The following MINDY2 variants were observed in gnomAD, a reference collection of about 807,000 sequenced individuals.
MINDY2 encodes the protein MINDY lysine 48 deubiquitinase 2, also known as ubiquitin carboxyl-terminal hydrolase MINDY-2.
Under a neutral mutation model 68.2 loss-of-function variants are expected in MINDY2, and 52 were observed. That is an observed-to-expected ratio of 0.76 (90% CI 0.61 to 0.96). The LOEUF is 0.96. MINDY2 is among the 40% of genes least tolerant of loss of function. The probability of loss-of-function intolerance (pLI) is 0.00; values close to 1 mark genes in which losing one functional copy is unlikely to be tolerated. For missense variants in MINDY2, 881 were observed against 773.4 expected (o/e 1.14, Z -1.65); for synonymous variants, 372 against 303.0 (o/e 1.23, Z -2.36).
At chr15:58,791,272 G>T (rs1284786854) in intron 2 of MINDY2, among the ~76,000 whole-genome samples, 1 of 116,516 alleles carries the variant, frequency 8.6e-6, no homozygotes, top group African/African-American at 2.9e-5. Flanking sequence ...GTTCAGAGGA[G>T]AGGTCTGGAT....
At chr15:58,808,258 G>A (rs2029953924) in intron 3 of MINDY2, among the ~76,000 whole-genome samples, 1 of 152,056 alleles carries the variant, frequency 6.6e-6, no homozygotes, top group Admixed American at 6.6e-5. Flanking sequence ...CTCTTTCTTG[G>A]TTCTGTATAT....
Position 58,841,300 on chromosome 15 carries a change from A to G in MINDY2, c.1369-5997A>G, listed in dbSNP as rs145725651. The stretch of plus-strand genomic sequence containing the variant: ...ACTGAGCCAACTTCATGATTTTCTT[A>G]TAAATAATTTCAATTTTGGGGGCCA... On this transcript the variant is annotated intron_variant, in intron 6 of 8. Transcript: ENST00000559228. Among the ~76,000 whole-genome samples, 363 of 151,778 alleles carry G rather than the reference A, an allele frequency of 2.4e-3. 3 individuals are homozygous for G. Among genetic ancestry groups the G allele is most frequent in the African/African-American group, 8.2e-3 (339 of 41,390 alleles).
intron 4 of MINDY2, among the ~76,000 whole-genome samples, chr15:58,819,175 A>G (rs1397670789): frequency 2.0e-5 from 3 of 152,166 alleles, no homozygotes; most frequent in Admixed American, 1.3e-4. Context: ...GAGGCCTTGC[A>G]TGGTGGCTAA....
At chr15:58,785,487 G>A (rs1901435953) in intron 1 of MINDY2, among the ~76,000 whole-genome samples, 1 of 152,072 alleles carries the variant, frequency 6.6e-6, no homozygotes, top group African/African-American at 2.4e-5. Flanking sequence ...CTGCATTGTA[G>A]TGCAAAAGCA....
intron 2 of MINDY2, chr15:58,796,174 G>A (rs781111164): frequency 8.8e-6 from 4 of 455,442 alleles, no homozygotes; most frequent in South Asian, 6.2e-5. Flanking sequence ...TGGGTAAGGA[G>A]TAGGAAAAGG....
intron 1 of MINDY2, among the ~76,000 whole-genome samples, chr15:58,782,116 T>G (rs1438442406): frequency 6.6e-6 from 1 of 152,148 alleles, no homozygotes; most frequent in East Asian, 1.9e-4. Context: ...AAAAGAATCC[T>G]TAAGTTTTTG....
intron 2 of MINDY2, among the ~76,000 whole-genome samples, chr15:58,789,762 C>T (rs1357046443): frequency 2.0e-5 from 3 of 152,192 alleles, no homozygotes; most frequent in Non-Finnish European, 4.4e-5. Flanking sequence ...ATTCTCCTGC[C>T]TCAGCCTCCC....
intron 6 of MINDY2, among the ~76,000 whole-genome samples, chr15:58,835,546 G>T (rs2031953165): frequency 6.6e-6 from 1 of 152,154 alleles, no homozygotes; most frequent in Non-Finnish European, 1.5e-5. Flanking sequence ...CCAGCTACTT[G>T]GGAGGCTGAG....
intron 7 of MINDY2, among the ~76,000 whole-genome samples, chr15:58,847,727 T>C (rs2032606852): frequency 6.6e-6 from 1 of 152,230 alleles, no homozygotes; most frequent in South Asian, 2.1e-4. Context: ...AGGAAAGCTA[T>C]GTCAAGTATT....
intron 1 of MINDY2, among the ~76,000 whole-genome samples, chr15:58,777,894 A>G (rs1484241130): frequency 6.6e-6 from 1 of 152,146 alleles, no homozygotes; most frequent in Non-Finnish European, 1.5e-5. Flanking sequence ...ATCAAAATGT[A>G]TGACTTAGAA....
intron 2 of MINDY2, among the ~76,000 whole-genome samples, chr15:58,799,461 GGAGGCT>G (rs1259186960): frequency 6.6e-6 from 1 of 152,066 alleles, no homozygotes; most frequent in South Asian, 2.1e-4. Context: ...CAGCTACTTG[GGAGGCT>G]GAGGCTGAGG....
At position 58,857,082 on chromosome 15, in the gene MINDY2, AT is replaced by A. The variant is rs2033084153; in HGVS notation, c.*2473del. ...TAATGTGTTAATTCAGCCTTTTTCT[AT>A]GTAATATTTCCAAGTCAGACTTTCT... On this transcript the variant is annotated 3_prime_UTR_variant, in exon 9 of 9. Transcript: ENST00000559228. The A allele has an allele frequency of 6.6e-6, 1 of 152,200 alleles. No individual in the cohort carries two copies. The highest frequency in any genetic ancestry group is 1.5e-5 in the Non-Finnish European group (1 of 68,034). 9.4% of individuals were successfully genotyped at this position (152,200 alleles called of 1,614,324 possible).
chr15:58,791,452 C>A lies in MINDY2; in HGVS notation c.898+3489C>A, dbSNP rs188422800. Among the ~76,000 whole-genome samples, 496 of 151,168 alleles carry A rather than the reference C, an allele frequency of 3.3e-3. 2 individuals are homozygous for A. The highest frequency in any genetic ancestry group is 0.012 in the African/African-American group (475 of 41,270). ...CAACATGGTGAGACCCCCATCTCCA[C>A]TTAAAAATTCAAAAATTAGCCAGGC... On this transcript the variant is annotated intron_variant, in intron 2 of 8. Transcript: ENST00000559228.
At chr15:58,801,295 A>C (rs1313110135) in intron 2 of MINDY2, among the ~76,000 whole-genome samples, 2 of 151,052 alleles carry the variant, frequency 1.3e-5, no homozygotes, top group African/African-American at 4.9e-5. Context: ...TTACAGTTCA[A>C]TAAGAAAAGA....
intron 2 of MINDY2, among the ~76,000 whole-genome samples, chr15:58,788,515 A>G (rs1901658118): frequency 6.6e-6 from 1 of 152,194 alleles, no homozygotes; most frequent in African/African-American, 2.4e-5. Flanking sequence ...ATTAAATTGC[A>G]TTCTTCTCTA....
intron 1 of MINDY2, among the ~76,000 whole-genome samples, chr15:58,780,569 G>C (rs1308686626): frequency 2.6e-5 from 4 of 152,304 alleles, no homozygotes; most frequent in African/African-American, 9.6e-5. Context: ...GGGCAAAACA[G>C]GGTGGGACAG....
rs73428533 is a variant in MINDY2, at chr15:58,821,198, A to G, written c.1123-519A>G. Among the ~76,000 whole-genome samples the G allele has an allele frequency of 9.1e-3, 1,384 of 151,896 alleles. 21 individuals carry two copies. The highest frequency in any genetic ancestry group is 0.031 in the African/African-American group (1,307 of 41,502). On this transcript the variant is annotated intron_variant, in intron 4 of 8. Transcript: ENST00000559228. ...AACTTTTCTTCAGGAAAATAACATT[A>G]GTTATCTCTACTCATATCTCCACTA...
At position 58,772,095 on chromosome 15, in the gene MINDY2, A is replaced by G. The variant is rs755308950; in HGVS notation, c.700A>G (p.Lys234Glu). 7.4e-6 allele frequency: 12 copies of G among 1,613,698 alleles called. 1 individual carries two copies. The highest frequency in any genetic ancestry group is 3.3e-5 in the Admixed American group (2 of 59,948). The change falls in exon 1 of 9, where the codon AAG (lysine) becomes GAG (glutamate). Residue 234 changes from lysine (K) to glutamate (E), a missense_variant. Lys to Glu is a moderately conservative substitution (Grantham distance 56, BLOSUM62 1). Transcript: ENST00000559228. The stretch of plus-strand genomic sequence containing the variant: ...GACCGCTCAGGTGCTGGCGGCCTCC[A>G]AGGAACGCTTCCCGGGACAATCTGT... ...EETAQVLAAS[K>E]ERFPGQSVYH...
chr15:58,774,341 G>C (rs1390475061), intron 1 of MINDY2, among the ~76,000 whole-genome samples: 1 of 151,978 alleles, frequency 6.6e-6, no homozygotes, highest in African/African-American at 2.4e-5. Flanking sequence ...AAAATTAGAC[G>C]GGCATGGTGG....
Sources: gnomAD v4.1 joint callset for allele counts (sites outside exome capture counted in the v4.1 genomes callset) on GRCh38, gnomAD v4.1.1 for gene constraint, MANE v1.5 for transcripts, NCBI Gene and HGNC (gene_info 2026-07-23, HGNC 2026-07-21) for gene names.